The following FANCI variants were observed in gnomAD, a reference collection of about 807,000 sequenced individuals.
FANCI encodes FA complementation group I, also known as Fanconi anemia group I protein.
A neutral mutation model predicts 176.1 loss-of-function variants in FANCI; 156 were observed. The observed-to-expected ratio is 0.89, with a 90% CI of 0.78 to 1.01. The LOEUF is 1.01. Ranked by LOEUF, FANCI falls within the 50% of genes least tolerant of loss-of-function variation. The pLI, the probability that FANCI is intolerant of heterozygous loss-of-function variation, is 0.00. For missense variants in FANCI, 1,678 were observed against 1,534.1 expected, an observed-to-expected ratio of 1.09 and a Z score of -1.57; for synonymous variants, 613 against 541.7, an observed-to-expected ratio of 1.13 and a Z score of -1.83.
rs947220995 is a variant in FANCI, at chr15:89,272,696, C to T, written c.883-681C>T. ...ATTAAAAAATGTTTTTTATGTCTCT[C>T]GAGTCATAAGGACTTTTTTGGGGGA... is the stretch of plus-strand genomic sequence containing the variant. On this transcript the variant is annotated intron_variant, in intron 10 of 37. Transcript: ENST00000310775. 2.0e-4 allele frequency among the ~76,000 whole-genome samples: 31 copies of T among 152,114 alleles called. 1 individual carries two copies. Among genetic ancestry groups the T allele is most frequent in the Admixed American group, 2.0e-3 (31 of 15,276 alleles).
In FANCI at chr15:89,277,725, A is replaced by C. The variant is rs12910397; in HGVS notation, c.1293+834A>C. On this transcript the variant is annotated intron_variant, in intron 13 of 37. Transcript: ENST00000310775. ...ATTACCAAATTATCACTGACATCTCAATCTTAATTACTGAAACAGTTTTCA... is the reference window on the plus strand; with the variant it reads ...ATTACCAAATTATCACTGACATCTCCATCTTAATTACTGAAACAGTTTTCA... 6.9e-3 allele frequency among the ~76,000 whole-genome samples: 1,046 copies of C among 152,176 alleles called. 3 individuals are homozygous for C. Among genetic ancestry groups the C allele is most frequent in the Non-Finnish European group, 9.9e-3 (676 of 67,986 alleles).
chr15:89,305,890 G>T (rs959365610), intron 31 of FANCI, 117 bp from the exon 32 acceptor site: 2 of 1,138,976 alleles, frequency 1.8e-6, no homozygotes, highest in East Asian at 4.9e-5. Flanking sequence ...TCTGCATATT[G>T]AATGTTCGTT....
intron 27 of FANCI, among the ~76,000 whole-genome samples, chr15:89,301,801 T>C (rs1188963209): frequency 6.6e-6 from 1 of 152,168 alleles, no homozygotes; most frequent in Non-Finnish European, 1.5e-5. Flanking sequence ...AGAAGAAAAT[T>C]TGTTAATTAT....
At chr15:89,284,120 T>G (rs1247677813) in intron 17 of FANCI, among the ~76,000 whole-genome samples, 1 of 152,192 alleles carries the variant, frequency 6.6e-6, no homozygotes, top group East Asian at 1.9e-4. Context: ...GCTTTACATT[T>G]ATTATCTCAT....
At chr15:89,249,557 A>G (rs1388510396) in intron 2 of FANCI, among the ~76,000 whole-genome samples, 3 of 152,158 alleles carry the variant, frequency 2.0e-5, no homozygotes, top group African/African-American at 7.2e-5. Flanking sequence ...CATGCTTTCC[A>G]GGCTGGTCTT....
chr15:89,290,413 G>A, intron 19 of FANCI, 132 bp downstream of exon 19: 1 of 740,686 alleles, frequency 1.4e-6, no homozygotes, highest in African/African-American at 1.7e-5. Flanking sequence ...CATGCTGTGG[G>A]TATGTTATGC....
chr15:89,299,993 G>T, intron 25 of FANCI, 27 bp downstream of exon 25: 1 of 1,612,618 alleles, frequency 6.2e-7, no homozygotes, highest in Non-Finnish European at 8.5e-7. Context: ...CAATAAATAG[G>T]CTTGATTTAG....
intron 12 of FANCI, among the ~76,000 whole-genome samples, chr15:89,275,373 G>A (rs1567153202): frequency 6.6e-6 from 1 of 152,246 alleles, no homozygotes; most frequent in African/African-American, 2.4e-5. Flanking sequence ...ATCAGTAACT[G>A]TCCTGGTTTT....
chr15:89,260,049 G>A (rs1303121721), intron 3 of FANCI, among the ~76,000 whole-genome samples: 1 of 149,670 alleles, frequency 6.7e-6, no homozygotes. Flanking sequence ...CTGAGAAACC[G>A]CCAAACTGTT....
intron 10 of FANCI, among the ~76,000 whole-genome samples, chr15:89,269,817 G>A (rs1412156047): frequency 1.4e-5 from 2 of 141,912 alleles, no homozygotes; most frequent in South Asian, 4.5e-4. Context: ...CCTTTGATTT[G>A]TTTTTTTTTT....
intron 18 of FANCI, among the ~76,000 whole-genome samples, chr15:89,286,075 C>CG (rs1186947471): frequency 2.6e-5 from 4 of 152,044 alleles, no homozygotes; most frequent in Non-Finnish European, 5.9e-5. Flanking sequence ...CCTCCATCCT[C>CG]CATCTCCTGG....
At chr15:89,304,209 G>A (rs2054628205) in intron 28 of FANCI, among the ~76,000 whole-genome samples, 1 of 152,212 alleles carries the variant, frequency 6.6e-6, no homozygotes, top group Non-Finnish European at 1.5e-5. Context: ...ACAGAAAAAT[G>A]TGGAAGAATT....
chr15:89,295,001 A>C lies in FANCI; in HGVS notation c.2543A>C (p.Gln848Pro). The C allele has an allele frequency of 6.4e-7, 1 of 1,552,324 alleles. No homozygotes were observed. The highest frequency in any genetic ancestry group is 8.7e-7 in the Non-Finnish European group (1 of 1,147,140). The stretch of plus-strand genomic sequence containing the variant: ...CGCTATGCAGTGAATGTAGCTCTGC[A>C]GAAAGTACAGCAGCTAAAGGAAACA... ...FMRYAVNVALQKVQQLKETGH... is the reference protein window; with the variant it reads ...FMRYAVNVALPKVQQLKETGH... Residue 848 changes from glutamine (Q) to proline (P), a missense_variant, in exon 24 of 38, where the codon CAG (glutamine) becomes CCG (proline). Physicochemically the swap from Gln to Pro is moderately conservative, Grantham distance 76 (BLOSUM62 -1). Coordinates refer to ENST00000310775, the MANE Select transcript of FANCI (RefSeq NM_001113378.2).
chr15:89,252,772 C>T (rs896333377), intron 2 of FANCI, among the ~76,000 whole-genome samples: 12 of 152,080 alleles, frequency 7.9e-5, no homozygotes, highest in Non-Finnish European at 1.6e-4. Context: ...TGAGAAATGT[C>T]CAAAACCCAT....
At chr15:89,295,732 G>GCC (rs150758657) in intron 24 of FANCI, among the ~76,000 whole-genome samples, 3,096 of 113,846 alleles carry the variant, frequency 0.027, 251 homozygotes, top group Non-Finnish European at 0.036. Context: ...TTCCCCTGGC[G>GCC]CCCCCCCCAC....
At chr15:89,266,107 C>T (rs756842273) in intron 9 of FANCI, among the ~76,000 whole-genome samples, 45 of 150,932 alleles carry the variant, frequency 3.0e-4, no homozygotes, top group Admixed American at 4.6e-4. Context: ...AGTGACCCTC[C>T]AGCCTCTGCT....
At chr15:89,274,418 A>C (rs968003689) in intron 12 of FANCI, 114 bp downstream of exon 12, 101 of 1,159,792 alleles carry the variant, frequency 8.7e-5, no homozygotes, top group Non-Finnish European at 1.2e-4. Flanking sequence ...ACAGCTGTTG[A>C]CGTCACACAT....
At chr15:89,258,941 G>A (rs1478601437) in intron 3 of FANCI, 165 bp downstream of exon 3, 6 of 621,718 alleles carry the variant, frequency 9.7e-6, no homozygotes, top group Non-Finnish European at 1.7e-5. Context: ...GTGGACTTAA[G>A]TAATTTTACT....
At chr15:89,289,225 A>T (rs2053958712) in intron 18 of FANCI, among the ~76,000 whole-genome samples, 1 of 152,010 alleles carries the variant, frequency 6.6e-6, no homozygotes, top group Non-Finnish European at 1.5e-5. Flanking sequence ...TTATTATTAC[A>T]CATTCATAAA....
Sources: gnomAD v4.1 joint callset for allele counts (sites outside exome capture counted in the v4.1 genomes callset) on GRCh38, gnomAD v4.1.1 for gene constraint, MANE v1.5 for transcripts, NCBI Gene and HGNC (gene_info 2026-07-23, HGNC 2026-07-21) for gene names.